Variants in DIAPH2 observed in about 807,000 individuals in gnomAD.
DIAPH2 encodes diaphanous related formin 2, also known as protein diaphanous homolog 2.
Under a neutral mutation model 92.7 loss-of-function variants are expected in DIAPH2, and 35 were observed. The observed-to-expected ratio is 0.38, with a 90% CI of 0.29 to 0.50. DIAPH2 has a LOEUF of 0.50. DIAPH2 is among the 20% of genes least tolerant of loss of function. DIAPH2 has a pLI of 0.94. For missense variants in DIAPH2, 701 were observed against 819.5 expected, an observed-to-expected ratio of 0.86 and a Z score of 1.77; for synonymous variants, 301 against 280.4, an observed-to-expected ratio of 1.07 and a Z score of -0.73.
intron 5 of DIAPH2, among the ~76,000 whole-genome samples, chrX:96,907,138 C>T (rs942795205): frequency 9.0e-6 from 1 of 111,609 alleles, no homozygotes; most frequent in Non-Finnish European, 1.9e-5. Context: ...AAAGTGAGAT[C>T]GTGGACTTAC....
At chrX:97,467,111 A>G (rs1212778787) in intron 26 of DIAPH2, among the ~76,000 whole-genome samples, 1 of 112,261 alleles carries the variant, frequency 8.9e-6, no homozygotes, top group African/African-American at 3.2e-5. Context: ...TGTAAGTAGT[A>G]TAATCTGATG....
intron 16 of DIAPH2, among the ~76,000 whole-genome samples, chrX:96,963,161 T>C (rs1304813335): frequency 2.7e-5 from 3 of 111,649 alleles, no homozygotes; most frequent in Non-Finnish European, 5.6e-5. Flanking sequence ...TTAAATATAG[T>C]GTCCCATTCT....
intron 26 of DIAPH2, among the ~76,000 whole-genome samples, chrX:97,484,287 T>C (rs1569409250): frequency 9.0e-6 from 1 of 111,682 alleles, no homozygotes; most frequent in Non-Finnish European, 1.9e-5. Context: ...GTTTTTACCA[T>C]TACTAGTTGT....
At chrX:97,595,111 A>G (rs2071542277) in intron 26 of DIAPH2, among the ~76,000 whole-genome samples, 1 of 111,993 alleles carries the variant, frequency 8.9e-6, no homozygotes, top group Admixed American at 9.5e-5. Context: ...TTTAAGCTTT[A>G]TCTGTATTGT....
intron 23 of DIAPH2, among the ~76,000 whole-genome samples, chrX:97,310,613 A>G (rs1602497853): frequency 8.9e-6 from 1 of 111,736 alleles, no homozygotes; most frequent in African/African-American, 3.3e-5. Context: ...TAGTGAGTCC[A>G]GTTGCCTGAA....
chrX:96,742,797 G>A (rs2064127958), intron 3 of DIAPH2, among the ~76,000 whole-genome samples: 1 of 109,950 alleles, frequency 9.1e-6, no homozygotes, highest in South Asian at 3.9e-4. Flanking sequence ...TTCCCAAGTA[G>A]CTGGGATTAC....
chrX:97,580,008 A>G (rs1351882892), intron 26 of DIAPH2, among the ~76,000 whole-genome samples: 2 of 111,391 alleles, frequency 1.8e-5, no homozygotes, highest in Non-Finnish European at 3.8e-5. Context: ...TGATTTTTGC[A>G]CATTGATTTT....
At chrX:96,933,328 T>C (rs1423862587) in intron 10 of DIAPH2, among the ~76,000 whole-genome samples, 4 of 108,878 alleles carry the variant, frequency 3.7e-5, no homozygotes, top group Non-Finnish European at 5.7e-5. Flanking sequence ...GTTTTCTTTT[T>C]CTTCTTTTCT....
At chrX:97,517,342 G>A (rs2070956790) in intron 26 of DIAPH2, among the ~76,000 whole-genome samples, 1 of 111,846 alleles carries the variant, frequency 8.9e-6, no homozygotes, top group African/African-American at 3.2e-5. Context: ...AGCCTATCTC[G>A]ATTTCTGTAT....
intron 17 of DIAPH2, among the ~76,000 whole-genome samples, chrX:97,045,771 A>G (rs924631703): frequency 1.8e-5 from 2 of 110,310 alleles, no homozygotes; most frequent in East Asian, 2.8e-4. Context: ...TGGCTAGACA[A>G]TTCTTGAAAA....
At chrX:96,748,947 C>T (rs1602474956) in intron 3 of DIAPH2, among the ~76,000 whole-genome samples, 1 of 110,104 alleles carries the variant, frequency 9.1e-6, no homozygotes, top group African/African-American at 3.3e-5. Flanking sequence ...AATGTATCCA[C>T]GCCCATTTGT....
rs191441396 is a variant in DIAPH2 at position 96,895,117 on chromosome X, C to T, written c.587+13399C>T. ...CTCCTGGGTTCAAGCGATTCTCCTGCCTCAGCCTTCCAAGTAGATGGGATT... is the reference window on the plus strand; with the variant it reads ...CTCCTGGGTTCAAGCGATTCTCCTGTCTCAGCCTTCCAAGTAGATGGGATT... On this transcript the variant is annotated intron_variant, in intron 5 of 26. Transcript: ENST00000324765. 3.7e-5 allele frequency among the ~76,000 whole-genome samples: 4 copies of T among 108,830 alleles called. No individual in the cohort carries two copies. The East Asian group carries it at 1.1e-3, about 31-fold the overall frequency. The allele number at this position is 108,830 out of a possible 115,157, so 94.5% of individuals were successfully genotyped here.
chrX:97,218,334 C>G (rs984031623), intron 22 of DIAPH2, among the ~76,000 whole-genome samples: 5 of 111,464 alleles, frequency 4.5e-5, no homozygotes, highest in African/African-American at 1.6e-4. Context: ...AGGTGATCTG[C>G]CTGCCTCGGC....
chrX:97,532,409 G>C (rs1173513396), intron 26 of DIAPH2, among the ~76,000 whole-genome samples: 1 of 112,410 alleles, frequency 8.9e-6, no homozygotes, highest in African/African-American at 3.2e-5. Context: ...TTGTATTCTA[G>C]TCTAGGCCAA....
chrX:97,090,617 G>A (rs143929289), intron 19 of DIAPH2, among the ~76,000 whole-genome samples: 4,422 of 110,926 alleles, frequency 0.04, 85 homozygotes, highest in Non-Finnish European at 0.058. Flanking sequence ...ATGGTGACCA[G>A]CTGAAAAATG....
At chrX:96,986,870 A>G (rs1485740127) in intron 17 of DIAPH2, among the ~76,000 whole-genome samples, 4 of 111,480 alleles carry the variant, frequency 3.6e-5, no homozygotes, top group Non-Finnish European at 5.7e-5. Context: ...AAACCATTCA[A>G]TAGACTTAAT....
At chrX:96,898,552 C>T (rs1259872050) in intron 5 of DIAPH2, among the ~76,000 whole-genome samples, 30 of 100,479 alleles carry the variant, frequency 3.0e-4, no homozygotes, top group Middle Eastern at 5.1e-3. Context: ...TCATGTCCTT[C>T]GCCCACTTTT....
rs191826302 is a variant in DIAPH2 at position 96,912,175 on chromosome X, A to G, written c.588-153A>G. On this transcript the variant is annotated intron_variant, in intron 5 of 26. Coordinates refer to ENST00000324765, the MANE Select transcript of DIAPH2 (RefSeq NM_006729.5). Reference sequence around the variant, plus strand: ...AAAGATCACTGAGTCATCCTCATAGAGTCAATACTTGAAGCAGTGGGAATT... The same window carrying G: ...AAAGATCACTGAGTCATCCTCATAGGGTCAATACTTGAAGCAGTGGGAATT... 8.0e-5 allele frequency among the ~76,000 whole-genome samples: 9 copies of G among 111,906 alleles called. No individual in the cohort carries two copies. In the Admixed American group the frequency reaches 8.6e-4, roughly 11 times the overall value.
intron 23 of DIAPH2, among the ~76,000 whole-genome samples, chrX:97,274,621 A>G (rs370538905): frequency 1.9e-4 from 21 of 108,419 alleles, no homozygotes; most frequent in African/African-American, 7.0e-4. Flanking sequence ...TTTCAGCACA[A>G]GTTTTTTTTT....
Sources: gnomAD v4.1 joint callset for allele counts (sites outside exome capture counted in the v4.1 genomes callset) on GRCh38, gnomAD v4.1.1 for gene constraint, MANE v1.5 for transcripts, NCBI Gene and HGNC (gene_info 2026-07-23, HGNC 2026-07-21) for gene names.